RTKN2: variants seen among roughly 807,000 people sequenced by gnomAD.
RTKN2 encodes rhotekin 2, also known as rhotekin-2.
In RTKN2, 69 loss-of-function variants were observed where a neutral mutation model predicts 71.5. The observed-to-expected ratio is 0.96, with a 90% CI of 0.79 to 1.18. The LOEUF (loss-of-function observed/expected upper bound fraction) is 1.18, where lower values mean the gene tolerates loss of function less well. Ranked by LOEUF, RTKN2 falls within the 50% of genes most tolerant of loss-of-function variation. RTKN2 has a pLI of 0.00. For missense variants in RTKN2, 724 were observed against 719.7 expected (o/e 1.01, Z -0.07); for synonymous variants, 236 against 236.5 (o/e 1.00, Z 0.02).
intron 6 of RTKN2, among the ~76,000 whole-genome samples, chr10:62,232,219 C>A (rs1842163393): frequency 6.6e-6 from 1 of 152,012 alleles, no homozygotes; most frequent in African/African-American, 2.4e-5. Context: ...ATCTATATGG[C>A]TGTCTATTAA....
intron 8 of RTKN2, among the ~76,000 whole-genome samples, chr10:62,187,540 G>A (rs1249517146): frequency 1.3e-5 from 2 of 152,168 alleles, no homozygotes; most frequent in African/African-American, 2.4e-5. Context: ...GCAATTTAAT[G>A]TGTCACCCTC....
intron 1 of RTKN2, among the ~76,000 whole-genome samples, chr10:62,264,421 CAT>C (rs1842832516): frequency 6.6e-6 from 1 of 152,218 alleles, no homozygotes; most frequent in Non-Finnish European, 1.5e-5. Flanking sequence ...CTTCATTACA[CAT>C]GACTGAATTT....
chr10:62,252,437 T>C (rs775633029), intron 2 of RTKN2, among the ~76,000 whole-genome samples: 4 of 152,106 alleles, frequency 2.6e-5, no homozygotes, highest in Non-Finnish European at 5.9e-5. Context: ...AAGAATCTTC[T>C]AGCTGATGAA....
chr10:62,201,584 C>G (rs944758500), intron 10 of RTKN2, among the ~76,000 whole-genome samples: 3 of 151,752 alleles, frequency 2.0e-5, no homozygotes. Context: ...GAAAAAAACC[C>G]ATATCTAATG....
intron 1 of RTKN2, among the ~76,000 whole-genome samples, chr10:62,266,397 G>A (rs566978808): frequency 1.3e-5 from 2 of 152,340 alleles, no homozygotes; most frequent in African/African-American, 4.8e-5. Flanking sequence ...ATATAGTTAA[G>A]CCATGTTAAC....
At chr10:62,259,305 A>G in intron 2 of RTKN2, 2 of 346,604 alleles carry the variant, frequency 5.8e-6, no homozygotes, top group South Asian at 4.4e-5. Flanking sequence ...TATCTGTATT[A>G]ACAGTGTGAA....
At chr10:62,220,150 A>T (rs7092005) in intron 7 of RTKN2, among the ~76,000 whole-genome samples, 1 of 152,100 alleles carries the variant, frequency 6.6e-6, no homozygotes, top group Non-Finnish European at 1.5e-5. Context: ...GCAAGGCAGC[A>T]AAGGTTTGTA....
chr10:62,229,862 C>A (rs900616032), intron 6 of RTKN2, among the ~76,000 whole-genome samples: 1 of 152,032 alleles, frequency 6.6e-6, no homozygotes, highest in African/African-American at 2.4e-5. Flanking sequence ...ACCTCTATTT[C>A]CAATGAATGA....
At chr10:62,225,927 G>A (rs952993505) in intron 6 of RTKN2, among the ~76,000 whole-genome samples, 1 of 151,690 alleles carries the variant, frequency 6.6e-6, no homozygotes, top group Non-Finnish European at 1.5e-5. Flanking sequence ...GACTACAGGC[G>A]CCCGCCACCA....
chr10:62,241,851 A>T (rs1305605495), intron 3 of RTKN2, among the ~76,000 whole-genome samples: 1 of 152,152 alleles, frequency 6.6e-6, no homozygotes, highest in Non-Finnish European at 1.5e-5. Context: ...GGCATGTGCC[A>T]CCACGCCTGG....
At chr10:62,266,732 G>A (rs968015817) in intron 1 of RTKN2, among the ~76,000 whole-genome samples, 1 of 152,244 alleles carries the variant, frequency 6.6e-6, no homozygotes, top group East Asian at 1.9e-4. Flanking sequence ...AGTCATCTCT[G>A]AAGCACATCC....
intron 9 of RTKN2, 93 bp from the exon 10 acceptor site, chr10:62,205,115 T>C: frequency 1.1e-6 from 1 of 942,962 alleles, no homozygotes; most frequent in Non-Finnish European, 1.6e-6. Context: ...TATTTATACC[T>C]GATGTAACCA....
At chr10:62,201,252 T>G (rs949754317) in intron 10 of RTKN2, among the ~76,000 whole-genome samples, 5 of 152,166 alleles carry the variant, frequency 3.3e-5, no homozygotes, top group African/African-American at 1.2e-4. Context: ...AAATTACTCA[T>G]TTTTGTTGTT....
Position 62,198,443 on chromosome 10 carries a change from C to T in RTKN2, c.1295G>A (p.Ser432Asn). The part of the protein sequence containing the change: ...KEATSVYHDM[S>N]IDSPMKLESL... ...TTCAAGTTTCATAGGTGAATCAATG[C>T]CTATAATAATTTTAAGAAAAAAAAA... Residue 432 changes from serine to asparagine, a missense_variant and splice_region_variant, in exon 12 of 12, where the codon AGC (serine) becomes AAC (asparagine). By Grantham distance (46) the Ser-to-Asn change is conservative. Transcript: ENST00000373789. 6.9e-7 allele frequency: 1 copy of T among 1,449,464 alleles called. No individual in the cohort carries two copies. Among genetic ancestry groups the T allele is most frequent in the South Asian group, 1.3e-5 (1 of 75,682 alleles). 89.8% of individuals were successfully genotyped at this position (1,449,464 alleles called of 1,614,324 possible).
chr10:62,218,282 A>C lies in RTKN2; in HGVS notation c.801T>G (p.Leu267=), dbSNP rs1589349546. The change falls in exon 8 of 12, where the codon CTT becomes CTG. Residue 267 remains leucine, a synonymous_variant. Coordinates refer to ENST00000373789, the MANE Select transcript of RTKN2 (RefSeq NM_145307.4). ...GGCAGCACATGTTGCCATACAGGGGAAGCCAAAATGAAGACTCCTCTATTT... is the reference window on the plus strand; with the variant it reads ...GGCAGCACATGTTGCCATACAGGGGCAGCCAAAATGAAGACTCCTCTATTT... ...INGNEESSFW[L]PLYGNMCCRL... 6.2e-7 allele frequency: 1 copy of C among 1,611,184 alleles called. No individual in the cohort carries two copies.
At chr10:62,188,045 A>G (rs1194392975) in intron 8 of RTKN2, among the ~76,000 whole-genome samples, 1 of 152,170 alleles carries the variant, frequency 6.6e-6, no homozygotes. Flanking sequence ...TAGACCCTAT[A>G]TTTTCATGCT....
At chr10:62,210,535 T>C (rs558112272) in intron 9 of RTKN2, among the ~76,000 whole-genome samples, 77 of 152,282 alleles carry the variant, frequency 5.1e-4, no homozygotes, top group South Asian at 1.9e-3. Context: ...ACATCTTCCT[T>C]ACAAACATGC....
In RTKN2 at chr10:62,262,748, C is replaced by T; in HGVS notation, c.134G>A (p.Ser45Asn). ...ATGTAAAACTTGATCTTTCTGAGTG[C>T]TCAGAGAAAGGAGTTTCCATATTCC... The part of the protein sequence containing the change: ...REGIWKLLSL[S>N]TQKDQVLHAV... Residue 45 changes from serine to asparagine, a missense_variant, in exon 2 of 12, where the codon AGC becomes AAC. Transcript: ENST00000373789. The T allele has an allele frequency of 1.2e-6, 2 of 1,613,528 alleles. No homozygotes were observed. Among genetic ancestry groups the T allele is most frequent in the South Asian group, 2.2e-5 (2 of 91,052 alleles).
intron 6 of RTKN2, among the ~76,000 whole-genome samples, chr10:62,226,025 A>G (rs1967985): frequency 0.89 from 135,566 of 152,120 alleles, 60,524 homozygotes; most frequent in East Asian, 1. Flanking sequence ...CTCATGATCC[A>G]CCTGCCTTGG....
Sources: gnomAD v4.1 joint callset for allele counts (sites outside exome capture counted in the v4.1 genomes callset) on GRCh38, gnomAD v4.1.1 for gene constraint, MANE v1.5 for transcripts, NCBI Gene and HGNC (gene_info 2026-07-23, HGNC 2026-07-21) for gene names.